Variants in RALYL observed in about 807,000 individuals in gnomAD.
The protein encoded by RALYL is RALY RNA binding protein like.
In RALYL, 29 loss-of-function variants were observed where a neutral mutation model predicts 35.1. The observed-to-expected ratio is 0.83, with a 90% confidence interval of 0.61 to 1.13. The LOEUF (loss-of-function observed/expected upper bound fraction) is 1.13, where lower values mean the gene tolerates loss of function less well. RALYL is among the 50% of genes most tolerant of loss of function. The pLI, the probability that RALYL is intolerant of heterozygous loss-of-function variation, is 0.00. For missense variants in RALYL, 359 were observed against 360.4 expected, an observed-to-expected ratio of 1.00 and a Z score of 0.03; for synonymous variants, 120 against 127.6, an observed-to-expected ratio of 0.94 and a Z score of 0.40.
chr8:84,696,005 A>G (rs781129589), intron 2 of RALYL, among the ~76,000 whole-genome samples: 2 of 151,812 alleles, frequency 1.3e-5, no homozygotes, highest in African/African-American at 2.4e-5. Context: ...AAGGACCACA[A>G]ATCTGCTATG....
At chr8:84,716,970 C>G (rs183636866) in intron 2 of RALYL, among the ~76,000 whole-genome samples, 1 of 151,932 alleles carries the variant, frequency 6.6e-6, no homozygotes, top group Admixed American at 6.6e-5. Flanking sequence ...GGGCAGATCA[C>G]GAGATCAGAA....
chr8:84,621,213 C>A (rs1223130072), intron 2 of RALYL, among the ~76,000 whole-genome samples: 1 of 152,156 alleles, frequency 6.6e-6, no homozygotes, highest in East Asian at 1.9e-4. Context: ...GCAGTCTGAT[C>A]TCAGACTGCC....
chr8:84,918,827 A>G (rs911838784), intron 8 of RALYL, among the ~76,000 whole-genome samples: 3 of 152,080 alleles, frequency 2.0e-5, no homozygotes, highest in East Asian at 1.9e-4. Context: ...CTTTTGTTTT[A>G]TTCAAATGCT....
intron 2 of RALYL, among the ~76,000 whole-genome samples, chr8:84,606,176 A>G (rs1817103851): frequency 6.6e-6 from 1 of 152,056 alleles, no homozygotes; most frequent in Non-Finnish European, 1.5e-5. Flanking sequence ...TCTCATACAC[A>G]CATCAAGTAT....
At chr8:84,253,274 C>T (rs915293278) in intron 1 of RALYL, among the ~76,000 whole-genome samples, 3 of 144,808 alleles carry the variant, frequency 2.1e-5, no homozygotes, top group African/African-American at 5.1e-5. Flanking sequence ...ACTTCAACCT[C>T]CACCTTCCGG....
intron 2 of RALYL, among the ~76,000 whole-genome samples, chr8:84,549,130 A>C (rs1026568870): frequency 2.0e-5 from 3 of 152,114 alleles, no homozygotes; most frequent in African/African-American, 4.8e-5. Context: ...CAGCTATGCT[A>C]TGTAGACCTT....
chr8:84,400,219 A>C (rs1353076462), intron 1 of RALYL, among the ~76,000 whole-genome samples: 3 of 152,224 alleles, frequency 2.0e-5, no homozygotes, highest in Admixed American at 2.0e-4. Flanking sequence ...ACCCAATTCT[A>C]AACATAAAAT....
chr8:84,903,175 G>A lies in RALYL; in HGVS notation c.858+15399G>A, dbSNP rs554178961. The stretch of plus-strand genomic sequence containing the variant: ...AAGACACTCTTTTGAGGAATTCTCT[G>A]TTGAGCTGGGGTATAGTGTAACACC... On this transcript the variant is annotated intron_variant, in intron 8 of 8. Transcript: ENST00000521268. Among the ~76,000 whole-genome samples, 3 of 152,220 alleles carry A rather than the reference G, an allele frequency of 2.0e-5. No homozygotes were observed. The East Asian group carries it at 5.8e-4, about 29-fold the overall frequency.
At chr8:84,471,806 T>A (rs1483470248) in intron 1 of RALYL, among the ~76,000 whole-genome samples, 1 of 152,222 alleles carries the variant, frequency 6.6e-6, no homozygotes, top group East Asian at 1.9e-4. Context: ...CATTTCCCAA[T>A]GGATTTTGTG....
chr8:84,229,667 G>T (rs1040157541), intron 1 of RALYL, among the ~76,000 whole-genome samples: 1 of 151,954 alleles, frequency 6.6e-6, no homozygotes, highest in African/African-American at 2.4e-5. Context: ...AATAATTGAA[G>T]AATAATTAGA....
intron 2 of RALYL, among the ~76,000 whole-genome samples, chr8:84,638,884 A>ATT (rs1825674786): frequency 2.7e-5 from 1 of 37,676 alleles, no homozygotes; most frequent in Non-Finnish European, 6.5e-5. Context: ...ATATATATAT[A>ATT]TATATATATA....
chr8:84,383,782 T>TAA (rs201551975), intron 1 of RALYL, among the ~76,000 whole-genome samples: 3,588 of 128,944 alleles, frequency 0.028, 155 homozygotes, highest in African/African-American at 0.095. Flanking sequence ...ACAGTTACAT[T>TAA]AAAAAAAAAA....
intron 2 of RALYL, chr8:84,679,297 C>A: frequency 4.3e-6 from 1 of 234,954 alleles, no homozygotes; most frequent in Admixed American, 4.7e-5. Context: ...GAGTAAAAAC[C>A]TGATGTCATA....
chr8:84,750,946 T>A (rs1460500425), intron 2 of RALYL, among the ~76,000 whole-genome samples: 1 of 152,158 alleles, frequency 6.6e-6, no homozygotes, highest in African/African-American at 2.4e-5. Context: ...TAAGACTCCC[T>A]CTTTTTCTTC....
At chr8:84,641,156 T>C (rs1404092259) in intron 2 of RALYL, among the ~76,000 whole-genome samples, 1 of 151,410 alleles carries the variant, frequency 6.6e-6, no homozygotes, top group Admixed American at 6.6e-5. Flanking sequence ...TTAAAATATA[T>C]TTTATATTGA....
At chr8:84,804,655 C>CG in intron 3 of RALYL, 115 bp from the exon 4 acceptor site, 2 of 396,148 alleles carry the variant, frequency 5.0e-6, no homozygotes, top group Non-Finnish European at 8.4e-6. Flanking sequence ...ACTGGTGCTA[C>CG]ATTATGCATT....
chr8:84,837,267 C>T (rs1023326028), intron 4 of RALYL, among the ~76,000 whole-genome samples: 3 of 152,182 alleles, frequency 2.0e-5, no homozygotes, highest in Non-Finnish European at 4.4e-5. Flanking sequence ...TTATTCACAA[C>T]TCCTAGTATT....
At chr8:84,194,833 T>C (rs1340788380) in intron 1 of RALYL, among the ~76,000 whole-genome samples, 1 of 152,094 alleles carries the variant, frequency 6.6e-6, no homozygotes, top group Admixed American at 6.5e-5. Context: ...AAAGAGAGGA[T>C]CAGACAGTTG....
At chr8:84,718,289 T>C (rs1192930531) in intron 2 of RALYL, among the ~76,000 whole-genome samples, 1 of 152,196 alleles carries the variant, frequency 6.6e-6, no homozygotes, top group Admixed American at 6.5e-5. Flanking sequence ...CTAGAGGTCA[T>C]TTCAGTTGTT....
Sources: gnomAD v4.1 joint callset for allele counts (sites outside exome capture counted in the v4.1 genomes callset) on GRCh38, gnomAD v4.1.1 for gene constraint, MANE v1.5 for transcripts, NCBI Gene and HGNC (gene_info 2026-07-23, HGNC 2026-07-21) for gene names.